The following SEMA4D variants were observed in gnomAD, a reference collection of about 807,000 sequenced individuals.
SEMA4D encodes the protein semaphorin-4D.
Under a neutral mutation model 74.8 loss-of-function variants are expected in SEMA4D, and 22 were observed. That is an observed-to-expected ratio of 0.29 (90% confidence interval 0.21 to 0.42). SEMA4D has a LOEUF of 0.42. Ranked by LOEUF, SEMA4D falls within the 10% of genes least tolerant of loss-of-function variation. SEMA4D has a pLI of 1.00. For synonymous variants in SEMA4D, 445 were observed against 463.7 expected (o/e 0.96, Z 0.52); for missense variants, 937 against 1,118.4 (o/e 0.84, Z 2.31).
chr9:89,382,972 C>A (rs535783704), intron 13 of SEMA4D, among the ~76,000 whole-genome samples: 40 of 152,328 alleles, frequency 2.6e-4, no homozygotes, highest in African/African-American at 9.1e-4. Context: ...TCAGCCCCAG[C>A]TTCCGCTTCT....
intron 2 of SEMA4D, chr9:89,450,486 GAGA>G (rs987226544): frequency 2.2e-6 from 3 of 1,385,264 alleles, no homozygotes; most frequent in Non-Finnish European, 3.1e-6. Context: ...TGTTCTCTAT[GAGA>G]AGGAGGGTGA....
chr9:89,435,079 G>C (rs1345317234), intron 2 of SEMA4D, among the ~76,000 whole-genome samples: 2 of 152,184 alleles, frequency 1.3e-5, no homozygotes, highest in Non-Finnish European at 2.9e-5. Flanking sequence ...AGAGCTCAGA[G>C]TCTACCTGGG....
At chr9:89,416,867 G>A (rs553218844) in intron 2 of SEMA4D, among the ~76,000 whole-genome samples, 3 of 152,284 alleles carry the variant, frequency 2.0e-5, no homozygotes, top group African/African-American at 4.8e-5. Flanking sequence ...TGCATAATGC[G>A]ATTTTTCACA....
chr9:89,468,952 G>A (rs1588112938), intron 1 of SEMA4D, among the ~76,000 whole-genome samples: 1 of 152,132 alleles, frequency 6.6e-6, no homozygotes, highest in East Asian at 1.9e-4. Context: ...TAATCCAAGG[G>A]AATCCAGCCC....
intron 2 of SEMA4D, among the ~76,000 whole-genome samples, chr9:89,406,541 GGCCCCACAGCGTAAC>G (rs1379544341): frequency 1.3e-5 from 2 of 152,108 alleles, no homozygotes; most frequent in African/African-American, 2.4e-5. Context: ...ACCTTTGCTG[GGCCCCACAGCGTAAC>G]CCGCCACAGG....
In SEMA4D at chr9:89,454,580, C is replaced by T. The variant is rs563523849; in HGVS notation, c.-244+1308G>A. 1.1e-4 allele frequency among the ~76,000 whole-genome samples: 16 copies of T among 152,318 alleles called. No homozygotes were observed. In the South Asian group the frequency reaches 1.9e-3, roughly 18 times the overall value. On this transcript the variant is annotated intron_variant, in intron 2 of 15. Coordinates refer to ENST00000422704, the MANE Select transcript of SEMA4D (RefSeq NM_001371194.2). ...TCCAAGCACGTAAACAAGCCGGAAA[C>T]GAGAGACCTGCATAGGTGGCTGCTG...
intron 1 of SEMA4D, among the ~76,000 whole-genome samples, chr9:89,488,534 G>A (rs774878499): frequency 1.3e-5 from 2 of 151,540 alleles, no homozygotes; most frequent in African/African-American, 2.4e-5. Flanking sequence ...CATCACATCC[G>A]GCTAATTTTT....
chr9:89,428,509 A>G (rs114073493), intron 2 of SEMA4D, among the ~76,000 whole-genome samples: 260 of 152,314 alleles, frequency 1.7e-3, no homozygotes, highest in African/African-American at 5.9e-3. Flanking sequence ...ATAGCCAGTC[A>G]CAGGAACTCA....
chr9:89,415,335 G>T (rs1410501230), intron 2 of SEMA4D, among the ~76,000 whole-genome samples: 1 of 152,226 alleles, frequency 6.6e-6, no homozygotes, highest in East Asian at 1.9e-4. Flanking sequence ...CACAGTGTGG[G>T]GTTGTTCTGG....
At chr9:89,383,892 G>A (rs1837777408) in intron 13 of SEMA4D, among the ~76,000 whole-genome samples, 1 of 152,024 alleles carries the variant, frequency 6.6e-6, no homozygotes. Flanking sequence ...GCCTTCCCTG[G>A]GCCTGAGGAT....
At chr9:89,403,096 G>C in intron 3 of SEMA4D, 80 bp from the exon 4 acceptor site, 1 of 1,508,106 alleles carries the variant, frequency 6.6e-7, no homozygotes. Flanking sequence ...CACATCCTAG[G>C]TCCCTGTCTC....
At chr9:89,414,590 C>T (rs1401473432) in intron 2 of SEMA4D, among the ~76,000 whole-genome samples, 1 of 152,222 alleles carries the variant, frequency 6.6e-6, no homozygotes, top group Non-Finnish European at 1.5e-5. Flanking sequence ...ATGCTGATGT[C>T]ACTGCCTTGC....
At chr9:89,409,888 G>A (rs558003946) in intron 2 of SEMA4D, among the ~76,000 whole-genome samples, 1 of 152,326 alleles carries the variant, frequency 6.6e-6, no homozygotes, top group Admixed American at 6.5e-5. Context: ...TCCAGAGCCA[G>A]GAGATGGGAG....
chr9:89,430,081 C>T (rs1452270732), intron 2 of SEMA4D, among the ~76,000 whole-genome samples: 1 of 151,912 alleles, frequency 6.6e-6, no homozygotes, highest in Non-Finnish European at 1.5e-5. Flanking sequence ...GAGGACGGGC[C>T]TCAGGCTGGG....
chr9:89,394,418 GT>G (rs1840475511), intron 6 of SEMA4D, among the ~76,000 whole-genome samples: 1 of 152,246 alleles, frequency 6.6e-6, no homozygotes, highest in Non-Finnish European at 1.5e-5. Flanking sequence ...GGACAAACGA[GT>G]GAGAAAGGGC....
chr9:89,461,624 T>C (rs1036042599), intron 1 of SEMA4D, among the ~76,000 whole-genome samples: 2 of 151,560 alleles, frequency 1.3e-5, no homozygotes, highest in Non-Finnish European at 2.9e-5. Flanking sequence ...ACAGAAATCA[T>C]GGTGTCCTGG....
At chr9:89,448,619 C>T (rs1853563207) in intron 2 of SEMA4D, among the ~76,000 whole-genome samples, 1 of 152,262 alleles carries the variant, frequency 6.6e-6, no homozygotes. Context: ...AGGCGTAAAA[C>T]CACGAGGCCT....
intron 2 of SEMA4D, among the ~76,000 whole-genome samples, chr9:89,434,028 C>T (rs961420392): frequency 2.0e-5 from 3 of 152,208 alleles, no homozygotes; most frequent in Admixed American, 6.5e-5. Context: ...CGGACTGCCC[C>T]GCTCTGGGGA....
intron 1 of SEMA4D, among the ~76,000 whole-genome samples, chr9:89,468,630 C>T (rs188576893): frequency 2.6e-5 from 4 of 152,288 alleles, no homozygotes; most frequent in Non-Finnish European, 4.4e-5. Flanking sequence ...AAATCAGTAC[C>T]TATCAACACG....
Sources: allele counts gnomAD v4.1 joint callset (sites outside exome capture counted in the v4.1 genomes callset), GRCh38; gene constraint gnomAD v4.1.1; transcripts MANE v1.5; gene names NCBI Gene and HGNC (gene_info 2026-07-23, HGNC 2026-07-21).